CLEC17A: variants seen among roughly 807,000 people sequenced by gnomAD.
The protein encoded by CLEC17A is C-type lectin domain containing 17A, also known as C-type lectin domain family 17, member A.
CLEC17A carries 37 observed loss-of-function variants against 61.3 expected under a neutral mutation model. The observed-to-expected ratio is 0.60, with a 90% CI of 0.46 to 0.79. The LOEUF (loss-of-function observed/expected upper bound fraction) is 0.79, where lower values mean the gene tolerates loss of function less well. Ranked by LOEUF, CLEC17A falls within the 30% of genes least tolerant of loss-of-function variation. The probability of loss-of-function intolerance (pLI) is 0.00; values close to 1 mark genes in which losing one functional copy is unlikely to be tolerated. For missense variants in CLEC17A, 418 were observed against 464.7 expected, an observed-to-expected ratio of 0.90 and a Z score of 0.92; for synonymous variants, 168 against 164.9, an observed-to-expected ratio of 1.02 and a Z score of -0.14.
chr19:14,595,213 G>A, intron 7 of CLEC17A, 61 bp from the exon 8 acceptor site: 3 of 1,587,136 alleles, frequency 1.9e-6, no homozygotes, highest in East Asian at 2.2e-5. Context: ...AGAGGTTGTT[G>A]ATCTTGGAAG....
chr19:14,600,891 C>CT lies in CLEC17A; in HGVS notation c.894+738dup, dbSNP rs71166763. On this transcript the variant is annotated intron_variant, in intron 12 of 13. Transcript: ENST00000417570. ...GGCGTGAGCCACCACGCTCGGCCTT[C>CT]TTTTTTTTTTTTTTTTTTTTTTTTT... 7.4e-3 allele frequency among the ~76,000 whole-genome samples: 471 copies of CT among 63,226 alleles called. 65 individuals carry two copies. Among genetic ancestry groups the CT allele is most frequent in the East Asian group, 0.012 (23 of 1,886 alleles). The allele number at this position is 63,226 out of a possible 152,430, so 41.5% of individuals were successfully genotyped here. A position where few individuals can be genotyped will look rare whatever the true frequency, so the allele number is the denominator to read the frequency against.
At chr19:14,608,412 C>T (rs921698353) in intron 13 of CLEC17A, among the ~76,000 whole-genome samples, 2 of 152,114 alleles carry the variant, frequency 1.3e-5, no homozygotes, top group Admixed American at 1.3e-4. Flanking sequence ...TGCTTGGCAT[C>T]CTTGCAGTCC....
At position 14,597,091 on chromosome 19, in the gene CLEC17A, C is replaced by A. The variant is rs146675469; in HGVS notation, c.584-8C>A. On this transcript the variant is annotated splice_polypyrimidine_tract_variant and splice_region_variant and intron_variant, in intron 9 of 13. Coordinates refer to ENST00000417570, the MANE Select transcript of CLEC17A (RefSeq NM_001204118.2). ...GGACCTGGGCTCAATTTGGACTCTT[C>A]TTCATAGACCAGGAGTTGATGGAAG... 3.3e-5 allele frequency: 53 copies of A among 1,612,982 alleles called. No homozygotes were observed. The highest frequency in any genetic ancestry group is 3.2e-4 in the Admixed American group (19 of 59,816).
At chr19:14,591,556 CTT>C (rs143983644) in intron 3 of CLEC17A, among the ~76,000 whole-genome samples, 19 of 136,814 alleles carry the variant, frequency 1.4e-4, no homozygotes, top group Admixed American at 2.9e-4. Flanking sequence ...TCTCCTTCCT[CTT>C]TTTTTTTTTT....
chr19:14,602,922 A>G (rs1368589909), intron 12 of CLEC17A, among the ~76,000 whole-genome samples: 1 of 151,856 alleles, frequency 6.6e-6, no homozygotes, highest in Non-Finnish European at 1.5e-5. Context: ...TTTGGTAGAG[A>G]TGGGGTTTCT....
chr19:14,593,916 C>T (rs775950418), intron 4 of CLEC17A, among the ~76,000 whole-genome samples: 1 of 151,812 alleles, frequency 6.6e-6, no homozygotes, highest in South Asian at 2.1e-4. Context: ...GAGCCAAGAT[C>T]GCGCCACTGA....
chr19:14,594,104 G>C (rs1359754062), intron 4 of CLEC17A, among the ~76,000 whole-genome samples: 2 of 151,962 alleles, frequency 1.3e-5, no homozygotes, highest in Non-Finnish European at 2.9e-5. Context: ...CCAACATGGT[G>C]GAATCCTGTC....
At chr19:14,606,717 C>A (rs2074884153) in intron 12 of CLEC17A, among the ~76,000 whole-genome samples, 2 of 151,502 alleles carry the variant, frequency 1.3e-5, no homozygotes, top group South Asian at 4.2e-4. Context: ...CACAACACTA[C>A]CAGGAGGTAG....
chr19:14,604,874 A>G (rs2146741391), intron 12 of CLEC17A, among the ~76,000 whole-genome samples: 1 of 152,344 alleles, frequency 6.6e-6, no homozygotes. Context: ...AGTAGAACAC[A>G]TGAAATAGAT....
chr19:14,594,769 C>G lies in CLEC17A; in HGVS notation c.372C>G (p.Leu124=). The change falls in exon 7 of 14, where the codon CTC becomes CTG. Residue 124 remains leucine, a synonymous_variant. Transcript: ENST00000417570. The part of the protein sequence containing the change: ...CKPRNMTGLD[L]AAVTCPPPQL... ...TCTCATCTCTTCTAGGCCTGGACCTCGCCGCTGTCACCTGTCCACCTCCTC... is the reference window on the plus strand; with the variant it reads ...TCTCATCTCTTCTAGGCCTGGACCTGGCCGCTGTCACCTGTCCACCTCCTC... 6.2e-7 allele frequency: 1 copy of G among 1,613,928 alleles called. No homozygotes were observed. The highest frequency in any genetic ancestry group is 8.5e-7 in the Non-Finnish European group (1 of 1,179,876).
In CLEC17A at chr19:14,608,658, G is replaced by A. The variant is rs548222666; in HGVS notation, c.1005-1406G>A. 4.7e-4 allele frequency among the ~76,000 whole-genome samples: 61 copies of A among 129,638 alleles called. 1 individual carries two copies. Among genetic ancestry groups the A allele is most frequent in the South Asian group, 2.7e-3 (11 of 4,078 alleles). 85.0% of individuals were successfully genotyped at this position (129,638 alleles called of 152,430 possible). On this transcript the variant is annotated intron_variant, in intron 13 of 13. Transcript: ENST00000417570. ...TTTTTTTTTTTTTTTTTTTGAGACA[G>A]AGTCTCACTCTGTTGCCCAGGCTGA...
At chr19:14,606,158 G>T (rs2074861343) in intron 12 of CLEC17A, among the ~76,000 whole-genome samples, 1 of 150,540 alleles carries the variant, frequency 6.6e-6, no homozygotes, top group African/African-American at 2.5e-5. Flanking sequence ...GCACAAAAGT[G>T]CAAGAGAAAC....
rs1396995882 is a variant in CLEC17A, at chr19:14,587,790, C to G, written c.199+99C>G. On this transcript the variant is annotated intron_variant, in intron 3 of 13. Transcript: ENST00000417570. ...TGTAGACACACAGTCAGTCTCCTCT[C>G]TACACAGCCCATGCCGGGCACTGTG... The G allele has an allele frequency of 4.4e-5, 69 of 1,562,920 alleles. 1 individual carries two copies. Among genetic ancestry groups the G allele is most frequent in the Admixed American group, 1.9e-4 (10 of 51,882 alleles).
intron 3 of CLEC17A, chr19:14,588,518 G>C (rs1326562522): frequency 1.3e-5 from 2 of 152,026 alleles, no homozygotes; most frequent in Admixed American, 1.3e-4. Context: ...GGGACCACCA[G>C]GTTGCCTAAG....
chr19:14,594,788 C>G lies in CLEC17A; in HGVS notation c.391C>G (p.Pro131Ala), dbSNP rs1267225767. ...GGACCTCGCCGCTGTCACCTGTCCACCTCCTCAACTGGGTGAGCAGTGGGA... is the reference window on the plus strand; with the variant it reads ...GGACCTCGCCGCTGTCACCTGTCCAGCTCCTCAACTGGGTGAGCAGTGGGA... ...GLDLAAVTCP[P>A]PQLAVNLEPS... The change falls in exon 7 of 14, where the codon CCT becomes GCT. Residue 131 changes from proline (P) to alanine (A), a missense_variant. Transcript: ENST00000417570. 1 of 1,613,698 alleles carries G rather than the reference C, an allele frequency of 6.2e-7. No individual in the cohort carries two copies. The highest frequency in any genetic ancestry group is 1.3e-5 in the African/African-American group (1 of 74,932).
rs772622288 is a variant in CLEC17A at position 14,594,776 on chromosome 19, G to T, written c.379G>T (p.Val127Phe). 7 of 1,613,778 alleles carry T rather than the reference G, an allele frequency of 4.3e-6. No homozygotes were observed. The East Asian group carries it at 1.6e-4, about 36-fold the overall frequency. Residue 127 changes from valine (V) to phenylalanine (F), a missense_variant, in exon 7 of 14, where the codon GTC (valine) becomes TTC (phenylalanine). Transcript: ENST00000417570. ...RNMTGLDLAA[V>F]TCPPPQLAVN... ...TCTTCTAGGCCTGGACCTCGCCGCT[G>T]TCACCTGTCCACCTCCTCAACTGGG...
At chr19:14,581,679 T>C (rs1006687310), upstream of CLEC17A, among the ~76,000 whole-genome samples, 35 of 149,972 alleles carry the variant, frequency 2.3e-4, no homozygotes, top group African/African-American at 8.4e-4. Flanking sequence ...TGAGATGGAG[T>C]TTCACTCTTG....
At chr19:14,583,228 T>C in intron 1 of CLEC17A, 25 bp downstream of exon 1, 1 of 1,613,714 alleles carries the variant, frequency 6.2e-7, no homozygotes, top group Non-Finnish European at 8.5e-7. Flanking sequence ...AGGCTGGGGC[T>C]GGGGCCTAGG....
At chr19:14,595,245 G>C (rs753740703) in intron 7 of CLEC17A, 29 bp from the exon 8 acceptor site, 1 of 1,613,408 alleles carries the variant, frequency 6.2e-7, no homozygotes, top group Admixed American at 1.7e-5. Context: ...GGCATCTTCT[G>C]AATAAACCTC....
Sources: gnomAD v4.1 joint callset for allele counts (sites outside exome capture counted in the v4.1 genomes callset) on GRCh38, gnomAD v4.1.1 for gene constraint, MANE v1.5 for transcripts, NCBI Gene and HGNC (gene_info 2026-07-23, HGNC 2026-07-21) for gene names.